The following TCF7L2 variants were observed in gnomAD, a reference collection of about 807,000 sequenced individuals.
TCF7L2 encodes transcription factor 7-like 2.
Under a neutral mutation model 77.9 loss-of-function variants are expected in TCF7L2, and 23 were observed. The observed-to-expected ratio is 0.30, with a 90% CI of 0.21 to 0.42. TCF7L2 has a LOEUF of 0.42. TCF7L2 is among the 10% of genes least tolerant of loss of function. The pLI is 1.00. For synonymous variants in TCF7L2, 413 were observed against 340.2 expected, an observed-to-expected ratio of 1.21 and a Z score of -2.36; for missense variants, 654 against 793.1, an observed-to-expected ratio of 0.82 and a Z score of 2.11.
chr10:113,114,667 T>C (rs556466045), intron 5 of TCF7L2, among the ~76,000 whole-genome samples: 40 of 152,312 alleles, frequency 2.6e-4, no homozygotes, highest in African/African-American at 7.9e-4. Flanking sequence ...ACCTAACACA[T>C]TTAGTAGTGT....
chr10:113,015,525 C>T (rs891290800), intron 4 of TCF7L2, among the ~76,000 whole-genome samples: 1 of 149,514 alleles, frequency 6.7e-6, no homozygotes, highest in Non-Finnish European at 1.5e-5. Flanking sequence ...AAACAGTTCA[C>T]TGCACACAGC....
chr10:113,110,870 G>T (rs1319255220), intron 5 of TCF7L2, among the ~76,000 whole-genome samples: 1 of 152,166 alleles, frequency 6.6e-6, no homozygotes, highest in East Asian at 1.9e-4. Flanking sequence ...CTGGCCAATT[G>T]TATGGGTCAG....
rs1422302499 is a variant in TCF7L2 at position 112,950,961 on chromosome 10, C to T, written c.189+16C>T. 4 of 1,603,012 alleles carry T rather than the reference C, an allele frequency of 2.5e-6. No individual in the cohort carries two copies. The highest frequency in any genetic ancestry group is 2.2e-5 in the South Asian group (2 of 89,430). ...CGATTCCGAGGTAGGAAAAGCCCCT[C>T]GGGCTGGTGGGGTTTTTTATCTGTT... is the stretch of plus-strand genomic sequence containing the variant. On this transcript the variant is annotated intron_variant, in intron 1 of 13. Coordinates refer to ENST00000627217, the MANE Select transcript of TCF7L2 (RefSeq NM_001146274.2).
chr10:113,106,162 C>G (rs2135991760), intron 5 of TCF7L2, among the ~76,000 whole-genome samples: 1 of 152,250 alleles, frequency 6.6e-6, no homozygotes, highest in South Asian at 2.1e-4. Context: ...CAGACCCCAA[C>G]CAGAGTAATG....
intron 5 of TCF7L2, among the ~76,000 whole-genome samples, chr10:113,099,105 G>T (rs1031167041): frequency 6.6e-6 from 1 of 152,138 alleles, no homozygotes; most frequent in Non-Finnish European, 1.5e-5. Context: ...TTCATTGTGG[G>T]CTGTCCTTGC....
Position 112,961,254 on chromosome 10 carries a change from ACC to A in TCF7L2, c.382-3290_382-3289del, listed in dbSNP as rs372246814. 8.1e-4 allele frequency among the ~76,000 whole-genome samples: 49 copies of A among 60,446 alleles called. 5 individuals are homozygous for A. The highest frequency in any genetic ancestry group is 1.6e-3 in the South Asian group (3 of 1,832). 39.7% of individuals were successfully genotyped at this position (60,446 alleles called of 152,430 possible). Reference sequence around the variant, plus strand: ...GGTCTCGAACTCCCGACCTCAGGTGACCCCCCCCCCCCCAACCTCGGCCTTCC... The same window carrying A: ...GGTCTCGAACTCCCGACCTCAGGTGACCCCCCCCCCCAACCTCGGCCTTCC... On this transcript the variant is annotated intron_variant, in intron 3 of 13. Transcript: ENST00000627217.
chr10:112,994,978 T>C (rs977803103), intron 4 of TCF7L2, among the ~76,000 whole-genome samples: 1 of 152,062 alleles, frequency 6.6e-6, no homozygotes, highest in Non-Finnish European at 1.5e-5. Flanking sequence ...TGGGCGCCTG[T>C]AATCCCAGCT....
intron 7 of TCF7L2, among the ~76,000 whole-genome samples, chr10:113,145,704 A>G (rs2069246605): frequency 1.3e-5 from 2 of 152,220 alleles, no homozygotes; most frequent in Admixed American, 1.3e-4. Context: ...TGATGGCTCC[A>G]TTAAAGCAAG....
intron 4 of TCF7L2, among the ~76,000 whole-genome samples, chr10:113,032,000 G>A (rs2134090230): frequency 6.6e-6 from 1 of 152,366 alleles, no homozygotes. Flanking sequence ...CTTAGGCAAA[G>A]CGTGGAGAAG....
chr10:113,138,462 C>T (rs189298591), intron 5 of TCF7L2, among the ~76,000 whole-genome samples: 14 of 152,210 alleles, frequency 9.2e-5, no homozygotes, highest in East Asian at 3.9e-4. Context: ...ATTGCCCAAA[C>T]GCTATCTTCC....
chr10:113,075,227 G>C (rs1162127465), intron 5 of TCF7L2, among the ~76,000 whole-genome samples: 2 of 152,192 alleles, frequency 1.3e-5, no homozygotes, highest in Non-Finnish European at 2.9e-5. Context: ...GGGAGGCAGA[G>C]GCGGGCAGAT....
chr10:113,121,890 G>C (rs531927902), intron 5 of TCF7L2, among the ~76,000 whole-genome samples: 3 of 152,228 alleles, frequency 2.0e-5, no homozygotes, highest in African/African-American at 7.2e-5. Context: ...ATTTGCAATG[G>C]GGAAAACACG....
rs185923513 is a variant in TCF7L2, at chr10:112,963,765, G to A, written c.382-791G>A. 1.1e-3 allele frequency among the ~76,000 whole-genome samples: 160 copies of A among 152,292 alleles called. 1 individual carries two copies. Among genetic ancestry groups the A allele is most frequent in the Middle Eastern group, 3.4e-3 (1 of 294 alleles). On this transcript the variant is annotated intron_variant, in intron 3 of 13. Transcript: ENST00000627217. The stretch of plus-strand genomic sequence containing the variant: ...TTCGGGATACCTGCTTCATTGATGG[G>A]TGGTCTCTAGGACTTCAGAGGGAAA...
At chr10:112,959,261 C>T (rs1053680457) in intron 3 of TCF7L2, among the ~76,000 whole-genome samples, 1 of 152,008 alleles carries the variant, frequency 6.6e-6, no homozygotes, top group Admixed American at 6.6e-5. Flanking sequence ...TTTCTTGAAG[C>T]GACTTTTTCC....
At chr10:112,980,816 C>T (rs372757471) in intron 4 of TCF7L2, among the ~76,000 whole-genome samples, 9 of 151,966 alleles carry the variant, frequency 5.9e-5, no homozygotes, top group East Asian at 1.9e-4. Context: ...TTAGTAGAGA[C>T]GGGGTTTCAC....
At chr10:113,102,573 C>T (rs2061792664) in intron 5 of TCF7L2, among the ~76,000 whole-genome samples, 1 of 151,886 alleles carries the variant, frequency 6.6e-6, no homozygotes, top group African/African-American at 2.4e-5. Context: ...TACACGTGCC[C>T]ACCATCATGC....
chr10:112,976,203 C>T (rs915237419), intron 4 of TCF7L2, among the ~76,000 whole-genome samples: 1 of 152,178 alleles, frequency 6.6e-6, no homozygotes, highest in Non-Finnish European at 1.5e-5. Flanking sequence ...GGGAAGCGTG[C>T]TTGATAAATG....
At chr10:113,023,938 G>T (rs1050462114) in intron 4 of TCF7L2, among the ~76,000 whole-genome samples, 1 of 151,800 alleles carries the variant, frequency 6.6e-6, no homozygotes, top group Non-Finnish European at 1.5e-5. Context: ...GATTACAGGC[G>T]TGAGCCACTG....
Position 112,950,350 on chromosome 10 carries a change from A to C in TCF7L2, c.-407A>C, listed in dbSNP as rs973913965. 42 of 251,310 alleles carry C rather than the reference A, an allele frequency of 1.7e-4. No individual in the cohort carries two copies. The Admixed American group carries it at 1.9e-3, about 11-fold the overall frequency. The allele number at this position is 251,310 out of a possible 1,614,324, so 15.6% of individuals were successfully genotyped here. On this transcript the variant is annotated 5_prime_UTR_variant, in exon 1 of 14. Coordinates refer to ENST00000627217, the MANE Select transcript of TCF7L2 (RefSeq NM_001146274.2). ...CTTTGAACTGAAAAGCTCTCAGTCT[A>C]ACTTCAACTCACTCAAATCCGAGCG...
Sources: allele counts gnomAD v4.1 joint callset (sites outside exome capture counted in the v4.1 genomes callset), GRCh38; gene constraint gnomAD v4.1.1; transcripts MANE v1.5; gene names NCBI Gene and HGNC (gene_info 2026-07-23, HGNC 2026-07-21).